Variants in CAVIN1 observed in about 807,000 individuals in gnomAD.
The protein encoded by CAVIN1 is caveolae-associated protein 1.
In CAVIN1, 16 loss-of-function variants were observed where a neutral mutation model predicts 24.0. The observed-to-expected ratio is 0.67, with a 90% CI of 0.45 to 1.01. The LOEUF is 1.01. Among genes scored for constraint, CAVIN1 ranks in the 50% least tolerant of loss-of-function variants. The probability of loss-of-function intolerance (pLI) is 0.00; values close to 1 mark genes in which losing one functional copy is unlikely to be tolerated. For synonymous variants in CAVIN1, 256 were observed against 256.4 expected (o/e 1.00, Z 0.02); for missense variants, 510 against 551.7 (o/e 0.92, Z 0.76).
intron 1 of CAVIN1, among the ~76,000 whole-genome samples, chr17:42,407,242 A>G (rs1164971861): frequency 6.6e-6 from 1 of 152,142 alleles, no homozygotes; most frequent in African/African-American, 2.4e-5. Context: ...TCTTTGGCCC[A>G]GACTCCCTTT....
intron 1 of CAVIN1, among the ~76,000 whole-genome samples, chr17:42,418,434 T>G (rs2085525579): frequency 6.6e-6 from 1 of 152,024 alleles, no homozygotes; most frequent in Admixed American, 6.6e-5. Context: ...TTTCTCCATG[T>G]TGGTCAGGCT....
At position 42,404,756 on chromosome 17, in the gene CAVIN1, G is replaced by T; in HGVS notation, c.1104C>A (p.Asp368Glu). 2 of 1,558,974 alleles carry T rather than the reference G, an allele frequency of 1.3e-6. No individual in the cohort carries two copies. The highest frequency in any genetic ancestry group is 1.7e-6 in the Non-Finnish European group (2 of 1,156,476). ...CGGTGATCTCCAGCAGCGCGTGCAC[G>T]TCGGGGCTGCTCCCGCGCCGCAGGT... Reference protein sequence around the residue: ...AGDLRRGSSPDVHALLEITEE... With the variant: ...AGDLRRGSSPEVHALLEITEE... Residue 368 changes from aspartate (D) to glutamate (E), a missense_variant, in exon 2 of 2, where the codon GAC becomes GAA. Transcript: ENST00000357037.
chr17:42,411,822 C>T (rs1210087413), intron 1 of CAVIN1: 1 of 985,384 alleles, frequency 1.0e-6, no homozygotes, highest in Non-Finnish European at 1.2e-6. Flanking sequence ...AAACAGAAAC[C>T]AAGAAGTGGG....
rs1480515810 is a variant in CAVIN1 at position 42,404,720 on chromosome 17, G to T, written c.1140C>A (p.Asp380Glu). 8 of 1,494,068 alleles carry T rather than the reference G, an allele frequency of 5.4e-6. No homozygotes were observed. Among genetic ancestry groups the T allele is most frequent in the Non-Finnish European group, 7.1e-6 (8 of 1,128,506 alleles). The allele number at this position is 1,494,068 out of a possible 1,614,324, so 92.6% of individuals were successfully genotyped here. Residue 380 changes from aspartate (D) to glutamate (E), a missense_variant, in exon 2 of 2, where the codon GAC (aspartate) becomes GAA (glutamate). Coordinates refer to ENST00000357037, the MANE Select transcript of CAVIN1 (RefSeq NM_012232.6). ...TGTCGCTCTTGTCCACCAGCACGGC[G>T]TCCGACTCCTCGGTGATCTCCAGCA... ...HALLEITEESDAVLVDKSDSD is the reference protein window; with the variant it reads ...HALLEITEESEAVLVDKSDSD
chr17:42,416,886 C>A (rs1039098186), intron 1 of CAVIN1, among the ~76,000 whole-genome samples: 8 of 152,122 alleles, frequency 5.3e-5, no homozygotes, highest in African/African-American at 1.9e-4. Context: ...GAAAGAGGTA[C>A]AGGTTGGATT....
intron 1 of CAVIN1, among the ~76,000 whole-genome samples, chr17:42,421,214 T>G (rs1417561413): frequency 6.6e-6 from 1 of 152,028 alleles, no homozygotes; most frequent in Non-Finnish European, 1.5e-5. Flanking sequence ...CACCTTTCTG[T>G]CTCTACTCTT....
Position 42,404,720 on chromosome 17 carries a change from G to A in CAVIN1, c.1140C>T (p.Asp380=), listed in dbSNP as rs1480515810. Residue 380 remains aspartate (D), a synonymous_variant, in exon 2 of 2, where the codon GAC becomes GAT. Transcript: ENST00000357037. ...TGTCGCTCTTGTCCACCAGCACGGC[G>A]TCCGACTCCTCGGTGATCTCCAGCA... ...HALLEITEES[D]AVLVDKSDSD 3.3e-6 allele frequency: 5 copies of A among 1,494,182 alleles called. No homozygotes were observed. Among genetic ancestry groups the A allele is most frequent in the Non-Finnish European group, 4.4e-6 (5 of 1,128,498 alleles). The allele number at this position is 1,494,182 out of a possible 1,614,324, so 92.6% of individuals were successfully genotyped here.
chr17:42,422,254 C>A (rs2085553298), intron 1 of CAVIN1, among the ~76,000 whole-genome samples: 1 of 152,204 alleles, frequency 6.6e-6, no homozygotes, highest in Admixed American at 6.5e-5. Context: ...CTAGAAACTT[C>A]CCCCAAGTAG....
Position 42,405,327 on chromosome 17 carries a change from A to T in CAVIN1, c.533T>A (p.Leu178Gln). The T allele has an allele frequency of 5.0e-6, 8 of 1,610,068 alleles. No homozygotes were observed. The highest frequency in any genetic ancestry group is 6.8e-6 in the Non-Finnish European group (8 of 1,179,968). Residue 178 changes from leucine (L) to glutamine (Q), a missense_variant, in exon 2 of 2, where the codon CTG (leucine) becomes CAG (glutamine). Physicochemically the swap from Leu to Gln is moderately radical, Grantham distance 113 (BLOSUM62 -2). Coordinates refer to ENST00000357037, the MANE Select transcript of CAVIN1 (RefSeq NM_012232.6). ...ISKSLKESEALPEKEGEELGE... is the reference protein window; with the variant it reads ...ISKSLKESEAQPEKEGEELGE... ...CAGCTCCTCGCCCTCCTTCTCTGGC[A>T]GCGCCTCCGACTCTTTCAGCGATTT...
rs773068107 is a variant in CAVIN1 at position 42,422,611 on chromosome 17, C to T, written c.471+16G>A. ...GGGCGCGGGAGCTCTGGGCGCCTTCCGCCCTGTGGGCTCACCTGGTAGATC... is the reference window on the plus strand; with the variant it reads ...GGGCGCGGGAGCTCTGGGCGCCTTCTGCCCTGTGGGCTCACCTGGTAGATC... On this transcript the variant is annotated intron_variant, in intron 1 of 1. Coordinates refer to ENST00000357037, the MANE Select transcript of CAVIN1 (RefSeq NM_012232.6). 2.1e-5 allele frequency: 33 copies of T among 1,551,534 alleles called. No individual in the cohort carries two copies. Among genetic ancestry groups the T allele is most frequent in the Middle Eastern group, 1.8e-4 (1 of 5,712 alleles).
chr17:42,419,130 G>A (rs770481000), intron 1 of CAVIN1, among the ~76,000 whole-genome samples: 33 of 152,176 alleles, frequency 2.2e-4, no homozygotes, highest in Middle Eastern at 3.4e-3. Flanking sequence ...CCAAGAGTTC[G>A]AGACTGCAGT....
At position 42,404,571 on chromosome 17, in the gene CAVIN1, G is replaced by T; in HGVS notation, c.*116C>A. 1.5e-6 allele frequency: 1 copy of T among 678,992 alleles called. No homozygotes were observed. Among genetic ancestry groups the T allele is most frequent in the Non-Finnish European group, 2.3e-6 (1 of 442,482 alleles). The allele number at this position is 678,992 out of a possible 1,614,324, so 42.1% of individuals were successfully genotyped here. ...CTGGGAGTGGAGTTCCTGGAGGTGT[G>T]GGGAGGGGGGCGTGTTTTCAATTTA... On this transcript the variant is annotated 3_prime_UTR_variant, in exon 2 of 2. Transcript: ENST00000357037.
Position 42,423,142 on chromosome 17 carries a change from G to C in CAVIN1, c.-45C>G. On this transcript the variant is annotated 5_prime_UTR_variant, in exon 1 of 2. Transcript: ENST00000357037. ...GGACCGGCCGGGTGGGGCTGGAGCT[G>C]GAGCGGGAGACCCGGAGAGAAGCAG... 1 of 1,414,494 alleles carries C rather than the reference G, an allele frequency of 7.1e-7. No homozygotes were observed. The highest frequency in any genetic ancestry group is 9.5e-7 in the Non-Finnish European group (1 of 1,049,746). 87.6% of individuals were successfully genotyped at this position (1,414,494 alleles called of 1,614,324 possible).
chr17:42,420,775 G>A (rs57307201), intron 1 of CAVIN1, among the ~76,000 whole-genome samples: 36,349 of 152,046 alleles, frequency 0.24, 4,607 homozygotes, highest in South Asian at 0.41. Flanking sequence ...GCATAGGGAA[G>A]TTTACCTCCA....
Position 42,403,101 on chromosome 17 carries a change from T to C in CAVIN1, c.*1586A>G, listed in dbSNP as rs973469231. 1 of 152,310 alleles carries C rather than the reference T, an allele frequency of 6.6e-6. No individual in the cohort carries two copies. The highest frequency in any genetic ancestry group is 1.5e-5 in the Non-Finnish European group (1 of 68,146). The allele number at this position is 152,310 out of a possible 1,614,324, so 9.4% of individuals were successfully genotyped here. ...TTTTCCTTTTTAAACAGCGTATCAC[T>C]CTGTTGCCTAGGATGGAGCACAGAG... On this transcript the variant is annotated 3_prime_UTR_variant, in exon 2 of 2. Transcript: ENST00000357037.
Position 42,420,030 on chromosome 17 carries a change from G to A in CAVIN1, c.471+2597C>T, listed in dbSNP as rs112155779. 4.3e-3 allele frequency among the ~76,000 whole-genome samples: 651 copies of A among 152,096 alleles called. 1 individual carries two copies. Among genetic ancestry groups the A allele is most frequent in the Non-Finnish European group, 5.2e-3 (352 of 67,972 alleles). The stretch of plus-strand genomic sequence containing the variant: ...TCTCCCCAGGAATAGGGTATGGAAG[G>A]CCAGATGTCTCCATCCCACAACGGG... On this transcript the variant is annotated intron_variant, in intron 1 of 1. Coordinates refer to ENST00000357037, the MANE Select transcript of CAVIN1 (RefSeq NM_012232.6).
At chr17:42,411,195 A>AAAAAAAAAAAAAAAAAAAAAC (rs2085474912) in intron 1 of CAVIN1, among the ~76,000 whole-genome samples, 1 of 145,432 alleles carries the variant, frequency 6.9e-6, no homozygotes, top group African/African-American at 2.5e-5. Flanking sequence ...TATGTCTCAA[A>AAAAAAAAAAAAAAAAAAAAAC]AAAAAAAAAA....
intron 1 of CAVIN1, among the ~76,000 whole-genome samples, chr17:42,414,831 A>T (rs1233656555): frequency 1.3e-5 from 2 of 152,052 alleles, no homozygotes; most frequent in East Asian, 3.9e-4. Context: ...AAGGGAAACA[A>T]CATGTCCCTC....
intron 1 of CAVIN1, chr17:42,412,398 T>A: frequency 1.7e-6 from 1 of 582,822 alleles, no homozygotes. Context: ...ACTTTTTTTT[T>A]TTTTTTTTTT....
Sources: gnomAD v4.1 joint callset for allele counts (sites outside exome capture counted in the v4.1 genomes callset) on GRCh38, gnomAD v4.1.1 for gene constraint, MANE v1.5 for transcripts, NCBI Gene and HGNC (gene_info 2026-07-23, HGNC 2026-07-21) for gene names.